The following YY1AP1 variants were observed in gnomAD, a reference collection of about 807,000 sequenced individuals.
YY1AP1 encodes YY1 associated protein 1.
YY1AP1 carries 43 observed loss-of-function variants against 39.9 expected under a neutral mutation model. The ratio of observed to expected loss-of-function variants is 1.08; its 90% CI spans 0.84 to 1.39. The LOEUF is 1.39. Ranked by LOEUF, YY1AP1 falls within the 40% of genes most tolerant of loss-of-function variation. YY1AP1 has a pLI of 0.00. For missense variants in YY1AP1, 813 were observed against 900.7 expected (o/e 0.90, Z 1.25); for synonymous variants, 292 against 331.3 (o/e 0.88, Z 1.29).
In YY1AP1 at chr1:155,660,532, A is replaced by C. The variant is rs1558296611; in HGVS notation, c.1378T>G (p.Leu460Val). The C allele has an allele frequency of 6.2e-7, 1 of 1,614,148 alleles. No individual in the cohort carries two copies. The highest frequency in any genetic ancestry group is 1.7e-5 in the Admixed American group (1 of 60,012). Residue 460 changes from leucine to valine, a missense_variant, in exon 11 of 11, where the codon TTA (leucine) becomes GTA (valine). Leu to Val is a conservative substitution (Grantham distance 32). Coordinates refer to ENST00000355499, the MANE Select transcript of YY1AP1 (RefSeq NM_139119.3). ...GGAGGGACACCTGGAACTGTCTGTA[A>C]AACAGTGGCTGGCTGTATTGGGTGA... ...IPHPIQPATV[L>V]QTVPGVPPLG... is the part of the protein sequence containing the mutation.
At chr1:155,669,643 C>T (rs1649553929) in intron 8 of YY1AP1, among the ~76,000 whole-genome samples, 1 of 152,304 alleles carries the variant, frequency 6.6e-6, no homozygotes, top group African/African-American at 2.4e-5. Flanking sequence ...GGCACCAATA[C>T]TACCCTCTAA....
chr1:155,659,651 C>G lies in YY1AP1; in HGVS notation c.*6G>C, dbSNP rs1031260482. ...CTCCCAGTCTCCAGACTCTTATTCT[C>G]CTAGCTCAAAGAAATCCACTGATTT... On this transcript the variant is annotated 3_prime_UTR_variant, in exon 11 of 11. Coordinates refer to ENST00000355499, the MANE Select transcript of YY1AP1 (RefSeq NM_139119.3). 1 of 1,613,908 alleles carries G rather than the reference C, an allele frequency of 6.2e-7. No homozygotes were observed. The highest frequency in any genetic ancestry group is 8.5e-7 in the Non-Finnish European group (1 of 1,179,960).
At chr1:155,665,784 CAAAAAAAA>C (rs58155011) in intron 9 of YY1AP1, among the ~76,000 whole-genome samples, 2 of 35,046 alleles carry the variant, frequency 5.7e-5, no homozygotes, top group African/African-American at 1.6e-4. Flanking sequence ...CTCTGTGTCT[CAAAAAAAA>C]AAAAAAAAAA....
At chr1:155,676,796 C>T in intron 4 of YY1AP1, 50 bp from the exon 5 acceptor site, 5 of 1,565,852 alleles carry the variant, frequency 3.2e-6, no homozygotes, top group Non-Finnish European at 4.4e-6. Context: ...AGGTCCACAA[C>T]ACATCCAATT....
chr1:155,664,813 A>C (rs1284885766), intron 9 of YY1AP1, among the ~76,000 whole-genome samples: 2 of 146,554 alleles, frequency 1.4e-5, no homozygotes, highest in Non-Finnish European at 1.5e-5. Flanking sequence ...TCTGTCACCC[A>C]GGCTGGAGTG....
chr1:155,677,808 G>A (rs572951015), intron 4 of YY1AP1, among the ~76,000 whole-genome samples: 1 of 152,156 alleles, frequency 6.6e-6, no homozygotes, highest in African/African-American at 2.4e-5. Context: ...TAAAAAAGTA[G>A]AAAATGGAAA....
At chr1:155,664,301 C>A (rs960530746) in intron 9 of YY1AP1, among the ~76,000 whole-genome samples, 3 of 151,944 alleles carry the variant, frequency 2.0e-5, no homozygotes, top group African/African-American at 7.3e-5. Flanking sequence ...TAATTATATT[C>A]ATAGGAAATT....
In YY1AP1 at chr1:155,659,638, A is replaced by G; in HGVS notation, c.*19T>C. 6.2e-7 allele frequency: 1 copy of G among 1,613,656 alleles called. No individual in the cohort carries two copies. ...GCCGAAGTGAAGGCTCCCAGTCTCCAGACTCTTATTCTCCTAGCTCAAAGA... is the reference window on the plus strand; with the variant it reads ...GCCGAAGTGAAGGCTCCCAGTCTCCGGACTCTTATTCTCCTAGCTCAAAGA... On this transcript the variant is annotated 3_prime_UTR_variant, in exon 11 of 11. Transcript: ENST00000355499.
chr1:155,664,685 C>CT (rs1648679912), intron 9 of YY1AP1, among the ~76,000 whole-genome samples: 1 of 150,848 alleles, frequency 6.6e-6, no homozygotes, highest in African/African-American at 2.4e-5. Context: ...CAGTGAGACT[C>CT]TGTCTCAAAA....
intron 6 of YY1AP1, among the ~76,000 whole-genome samples, chr1:155,674,522 C>T (rs1040883568): frequency 5.3e-5 from 8 of 151,714 alleles, no homozygotes; most frequent in Admixed American, 3.9e-4. Context: ...GGAGGAGGAC[C>T]CAATAAAAAT....
At chr1:155,674,795 C>T in intron 6 of YY1AP1, 1 of 399,102 alleles carries the variant, frequency 2.5e-6, no homozygotes, top group Non-Finnish European at 4.6e-6. Context: ...CACCGCACTC[C>T]ATCCTGGGTG....
chr1:155,659,828 C>T lies in YY1AP1; in HGVS notation c.2082G>A (p.Glu694=). 1 of 1,614,224 alleles carries T rather than the reference C, an allele frequency of 6.2e-7. No individual in the cohort carries two copies. Among genetic ancestry groups the T allele is most frequent in the Non-Finnish European group, 8.5e-7 (1 of 1,180,044 alleles). Residue 694 remains glutamate (E), a synonymous_variant, in exon 11 of 11, where the codon GAG becomes GAA. Transcript: ENST00000355499. ...VDKQCQEGLS[E]NSAYRWTVVK... is the part of the protein sequence containing the mutation. ...CAACGGTCCAGCGATAGGCACTGTT[C>T]TCTGACAATCCTTCTTGGCACTGTT...
rs201163853 is a variant in YY1AP1 at position 155,688,054 on chromosome 1, C to G, written c.-21+17G>C. ...GAGTGCTTAGGCCCGAATGCCGGCCCAAATCGTTCTACTCACCGTGTCGGA... is the reference window on the plus strand; with the variant it reads ...GAGTGCTTAGGCCCGAATGCCGGCCGAAATCGTTCTACTCACCGTGTCGGA... On this transcript the variant is annotated intron_variant, in intron 2 of 10. Transcript: ENST00000355499. 1 of 1,558,776 alleles carries G rather than the reference C, an allele frequency of 6.4e-7. No individual in the cohort carries two copies. Among genetic ancestry groups the G allele is most frequent in the Non-Finnish European group, 8.7e-7 (1 of 1,148,884 alleles).
At position 155,677,361 on chromosome 1, in the gene YY1AP1, A is replaced by G. The variant is rs146139523; in HGVS notation, c.126-615T>C. On this transcript the variant is annotated intron_variant, in intron 4 of 10. Coordinates refer to ENST00000355499, the MANE Select transcript of YY1AP1 (RefSeq NM_139119.3). Reference sequence around the variant, plus strand: ...GGTTCCTAACCCTAACTTCCCATCCATACCCTCCTGAAAGATTGTTTGCAG... The same window carrying G: ...GGTTCCTAACCCTAACTTCCCATCCGTACCCTCCTGAAAGATTGTTTGCAG... 2.2e-3 allele frequency among the ~76,000 whole-genome samples: 336 copies of G among 152,292 alleles called. 1 individual carries two copies. The highest frequency in any genetic ancestry group is 7.5e-3 in the African/African-American group (312 of 41,574).
chr1:155,688,025 G>T, intron 2 of YY1AP1, 46 bp downstream of exon 2: 1 of 1,523,848 alleles, frequency 6.6e-7, no homozygotes, highest in Non-Finnish European at 8.9e-7. Flanking sequence ...TTCAATCGCT[G>T]AGAGAGTGCT....
chr1:155,677,098 C>A (rs975049976), intron 4 of YY1AP1, among the ~76,000 whole-genome samples: 4 of 152,144 alleles, frequency 2.6e-5, no homozygotes, highest in African/African-American at 7.2e-5. Context: ...TCTCTCATTA[C>A]TTGTTACTCC....
intron 2 of YY1AP1, among the ~76,000 whole-genome samples, chr1:155,687,163 AAGGCCACC>A (rs1180644795): frequency 5.3e-5 from 8 of 152,192 alleles, no homozygotes; most frequent in Non-Finnish European, 1.2e-4. Flanking sequence ...GACAACAAAT[AAGGCCACC>A]CATTCTTTAC....
Position 155,675,019 on chromosome 1 carries a change from C to T in YY1AP1, c.402G>A (p.Arg134=), listed in dbSNP as rs1353465080. ...CAATTTGGAAACTTACAAGACATATCCTGGTGCTACTGGCCTCCGGATTGA... is the reference window on the plus strand; with the variant it reads ...CAATTTGGAAACTTACAAGACATATTCTGGTGCTACTGGCCTCCGGATTGA... The part of the protein sequence containing the change: ...PNLNPEASST[R]ICLKELGTFA... Residue 134 remains arginine (R), a synonymous_variant, in exon 6 of 11, where the codon AGG becomes AGA. Transcript: ENST00000355499. The T allele has an allele frequency of 1.2e-6, 2 of 1,613,432 alleles. No individual in the cohort carries two copies. The highest frequency in any genetic ancestry group is 4.5e-5 in the East Asian group (2 of 44,846).
intron 7 of YY1AP1, 193 bp downstream of exon 7, chr1:155,672,367 C>A: frequency 5.6e-6 from 5 of 894,112 alleles, no homozygotes; most frequent in Non-Finnish European, 8.9e-6. Context: ...CTTACCCAGG[C>A]CCGGAGATTA....
Sources: gnomAD v4.1 joint callset for allele counts (sites outside exome capture counted in the v4.1 genomes callset) on GRCh38, gnomAD v4.1.1 for gene constraint, MANE v1.5 for transcripts, NCBI Gene and HGNC (gene_info 2026-07-23, HGNC 2026-07-21) for gene names.